IGF1R: variants seen among roughly 807,000 people sequenced by gnomAD.
IGF1R encodes the protein insulin-like growth factor 1 receptor.
In IGF1R, 44 loss-of-function variants were observed where a neutral mutation model predicts 144.6. The observed-to-expected ratio is 0.30, with a 90% CI of 0.24 to 0.39. IGF1R has a LOEUF of 0.39. Ranked by LOEUF, IGF1R falls within the 10% of genes least tolerant of loss-of-function variation. IGF1R has a pLI of 1.00. For synonymous variants in IGF1R, 795 were observed against 722.8 expected, an observed-to-expected ratio of 1.10 and a Z score of -1.60; for missense variants, 1,355 against 1,833.7, an observed-to-expected ratio of 0.74 and a Z score of 4.77.
At position 98,959,407 on chromosome 15, in the gene IGF1R, C is replaced by A; in HGVS notation, c.*1965C>A. ...CGGACCGACTGACCTGTCTTTGGAA[C>A]CAGAACATCCCAAGGGAACTCCTTC... is the stretch of plus-strand genomic sequence containing the variant. On this transcript the variant is annotated 3_prime_UTR_variant, in exon 21 of 21. Transcript: ENST00000650285. The A allele has an allele frequency of 4.3e-6, 1 of 233,876 alleles. No individual in the cohort carries two copies. The highest frequency in any genetic ancestry group is 8.5e-6 in the Non-Finnish European group (1 of 118,168). 14.5% of individuals were successfully genotyped at this position (233,876 alleles called of 1,614,324 possible). A position where few individuals can be genotyped will look rare whatever the true frequency, so the allele number is the denominator to read the frequency against.
intron 1 of IGF1R, among the ~76,000 whole-genome samples, chr15:98,680,272 T>C (rs2053156003): frequency 2.9e-5 from 2 of 68,002 alleles, no homozygotes; most frequent in African/African-American, 1.7e-4. Flanking sequence ...TATGTATACT[T>C]TTTTTTTTTT....
intron 2 of IGF1R, among the ~76,000 whole-genome samples, chr15:98,730,422 G>A (rs2141295499): frequency 6.6e-6 from 1 of 152,284 alleles, no homozygotes; most frequent in East Asian, 1.9e-4. Flanking sequence ...GCCTTAAACT[G>A]ATTTTGAGAA....
chr15:98,849,396 C>A (rs2011460148), intron 2 of IGF1R, among the ~76,000 whole-genome samples: 1 of 152,102 alleles, frequency 6.6e-6, no homozygotes, highest in Non-Finnish European at 1.5e-5. Flanking sequence ...TACATTATAC[C>A]ATGTACCAGG....
chr15:98,682,253 A>G (rs2053209325), intron 1 of IGF1R, among the ~76,000 whole-genome samples: 1 of 152,154 alleles, frequency 6.6e-6, no homozygotes. Flanking sequence ...GTTGTTTTCC[A>G]GGAGGAGCTG....
intron 2 of IGF1R, among the ~76,000 whole-genome samples, chr15:98,729,624 T>A (rs2054451614): frequency 1.3e-5 from 2 of 151,500 alleles, no homozygotes; most frequent in Admixed American, 1.3e-4. Flanking sequence ...GAGCAGGCTG[T>A]GTGTGTGGTC....
chr15:98,755,853 T>C (rs2055142710), intron 2 of IGF1R, among the ~76,000 whole-genome samples: 1 of 151,892 alleles, frequency 6.6e-6, no homozygotes, highest in South Asian at 2.1e-4. Flanking sequence ...AAGTTGTGTA[T>C]ACTCATTCAT....
intron 2 of IGF1R, among the ~76,000 whole-genome samples, chr15:98,816,779 A>G (rs1033048686): frequency 1.3e-5 from 2 of 152,224 alleles, no homozygotes; most frequent in African/African-American, 4.8e-5. Context: ...GATTGCCACA[A>G]ACATGGCAGC....
rs2151701374 is a variant in IGF1R, at chr15:98,929,582, T to C, written c.2807T>C (p.Leu936Pro). The C allele has an allele frequency of 6.2e-7, 1 of 1,614,154 alleles. No homozygotes were observed. The highest frequency in any genetic ancestry group is 8.5e-7 in the Non-Finnish European group (1 of 1,179,944). ...GCAGGATATGAAAACTTCATCCATC[T>C]GATCATCGCTCTGCCCGTCGCTGTC... ...AKTGYENFIHLIIALPVAVLL... is the reference protein window; with the variant it reads ...AKTGYENFIHPIIALPVAVLL... Residue 936 changes from leucine (L) to proline (P), a missense_variant, in exon 14 of 21, where the codon CTG becomes CCG. Transcript: ENST00000650285.
intron 2 of IGF1R, among the ~76,000 whole-genome samples, chr15:98,746,086 G>A (rs2054857692): frequency 6.6e-6 from 1 of 152,294 alleles, no homozygotes; most frequent in African/African-American, 2.4e-5. Flanking sequence ...TAGATCTCCA[G>A]TATATTAGGT....
At chr15:98,830,484 A>G (rs1275183582) in intron 2 of IGF1R, among the ~76,000 whole-genome samples, 2 of 151,992 alleles carry the variant, frequency 1.3e-5, no homozygotes, top group South Asian at 2.1e-4. Flanking sequence ...ATCAGTGACT[A>G]TTGTAGTCCA....
chr15:98,833,012 C>T (rs1360108654), intron 2 of IGF1R, among the ~76,000 whole-genome samples: 5 of 152,206 alleles, frequency 3.3e-5, no homozygotes, highest in African/African-American at 1.2e-4. Flanking sequence ...ATGTCTGATG[C>T]TAGCCATTCC....
At chr15:98,665,272 TAA>T (rs889066731) in intron 1 of IGF1R, among the ~76,000 whole-genome samples, 2 of 152,156 alleles carry the variant, frequency 1.3e-5, no homozygotes, top group African/African-American at 4.8e-5. Flanking sequence ...TCATTTCTTG[TAA>T]AGAGAGTTTG....
intron 17 of IGF1R, among the ~76,000 whole-genome samples, chr15:98,937,976 C>T (rs973437855): frequency 1.3e-5 from 2 of 152,150 alleles, no homozygotes; most frequent in Non-Finnish European, 2.9e-5. Flanking sequence ...TTTAAGTCAC[C>T]AAGAGACAGC....
At chr15:98,936,902 T>A (rs1446143197) in intron 17 of IGF1R, among the ~76,000 whole-genome samples, 1 of 152,162 alleles carries the variant, frequency 6.6e-6, no homozygotes, top group Non-Finnish European at 1.5e-5. Context: ...TCTCTTTCTT[T>A]CGAGATGGAG....
At chr15:98,764,695 T>G (rs767607040) in intron 2 of IGF1R, among the ~76,000 whole-genome samples, 5 of 152,262 alleles carry the variant, frequency 3.3e-5, no homozygotes, top group Non-Finnish European at 7.3e-5. Context: ...TTTATACTGT[T>G]CTATTTCCAG....
chr15:98,903,613 G>C (rs760823087), intron 5 of IGF1R, among the ~76,000 whole-genome samples: 1 of 152,118 alleles, frequency 6.6e-6, no homozygotes. Context: ...ATAGCCTCCC[G>C]GGATTCCCCC....
chr15:98,797,343 G>C (rs1331649683), intron 2 of IGF1R, among the ~76,000 whole-genome samples: 1 of 148,876 alleles, frequency 6.7e-6, no homozygotes, highest in Non-Finnish European at 1.5e-5. Flanking sequence ...GCCCACTCAG[G>C]GGGAAGGTAA....
At chr15:98,849,529 A>G (rs755945081) in intron 2 of IGF1R, among the ~76,000 whole-genome samples, 1 of 152,230 alleles carries the variant, frequency 6.6e-6, no homozygotes, top group Non-Finnish European at 1.5e-5. Context: ...TCAACTCAAA[A>G]TCCAGAAGCC....
intron 2 of IGF1R, among the ~76,000 whole-genome samples, chr15:98,828,686 C>A (rs1001632775): frequency 2.0e-5 from 3 of 151,216 alleles, no homozygotes; most frequent in Admixed American, 6.6e-5. Flanking sequence ...TGAAGACACA[C>A]AGACATGAGG....
Sources: gnomAD v4.1 joint callset for allele counts (sites outside exome capture counted in the v4.1 genomes callset) on GRCh38, gnomAD v4.1.1 for gene constraint, MANE v1.5 for transcripts, NCBI Gene and HGNC (gene_info 2026-07-23, HGNC 2026-07-21) for gene names.